Variants in MRGPRF observed in about 807,000 individuals in gnomAD.
MRGPRF encodes mas-related G protein-coupled receptor member F.
Under a neutral mutation model 3.3 loss-of-function variants are expected in MRGPRF, and 2 were observed. The ratio of observed to expected loss-of-function variants is 0.61; its 90% CI spans 0.25 to 1.92. The LOEUF (loss-of-function observed/expected upper bound fraction) is 1.92. Ranked by LOEUF, MRGPRF falls within the 40% of genes most tolerant of loss-of-function variation. MRGPRF has a pLI of 0.16. For synonymous variants in MRGPRF, 242 were observed against 222.7 expected (o/e 1.09, Z -0.77); for missense variants, 500 against 476.0 (o/e 1.05, Z -0.47).
Position 69,005,647 on chromosome 11 carries a change from G to A in MRGPRF, c.663C>T (p.Ile221=). 2 of 1,553,070 alleles carry A rather than the reference G, an allele frequency of 1.3e-6. No homozygotes were observed. Among genetic ancestry groups the A allele is most frequent in the Non-Finnish European group, 8.7e-7 (1 of 1,148,198 alleles). ...GTCGGGCCCGGCACTCCACGTGCAG[G>A]ATGAGGGCCAGGCAGGGCAGCACCA... The part of the protein sequence containing the change: ...PLMVLPCLAL[I]LHVECRARRR... Residue 221 remains isoleucine, a synonymous_variant, in exon 3 of 3, where the codon ATC becomes ATT. Coordinates refer to ENST00000309099, the MANE Select transcript of MRGPRF (RefSeq NM_145015.5).
chr11:69,006,381 G>A, intron 2 of MRGPRF, 120 bp from the exon 3 acceptor site: 2 of 1,228,256 alleles, frequency 1.6e-6, no homozygotes, highest in Non-Finnish European at 2.2e-6. Flanking sequence ...GCAGGGAGGG[G>A]GTCTGTAAGG....
In MRGPRF at chr11:69,005,942, C is replaced by T. The variant is rs1482934327; in HGVS notation, c.368G>A (p.Gly123Glu). ...DYIRSVCRVL[G>E]LCMFLTGVSL... ...CACGCCGGTAAGGAACATGCAGAGCCCCAGGACCCGGCACACGCTGCGGAT... is the reference window on the plus strand; with the variant it reads ...CACGCCGGTAAGGAACATGCAGAGCTCCAGGACCCGGCACACGCTGCGGAT... Residue 123 changes from glycine to glutamate, a missense_variant, in exon 3 of 3, where the codon GGG (glycine) becomes GAG (glutamate). Physicochemically the swap from Gly to Glu is moderately conservative, Grantham distance 98. Transcript: ENST00000309099. 3 of 1,572,944 alleles carry T rather than the reference C, an allele frequency of 1.9e-6. No homozygotes were observed. Among genetic ancestry groups the T allele is most frequent in the South Asian group, 2.3e-5 (2 of 85,940 alleles).
chr11:69,009,962 C>G lies in MRGPRF; in HGVS notation c.-56-5G>C. On this transcript the variant is annotated splice_polypyrimidine_tract_variant and splice_region_variant and intron_variant, in intron 1 of 2. Transcript: ENST00000309099. Reference sequence around the variant, plus strand: ...CTCACCAGTCTGCACACCCACCTGGCAGAAGCCCAGAGAGAGGGTGGATGA... The same window carrying G: ...CTCACCAGTCTGCACACCCACCTGGGAGAAGCCCAGAGAGAGGGTGGATGA... 1 of 1,551,366 alleles carries G rather than the reference C, an allele frequency of 6.4e-7. No individual in the cohort carries two copies. Among genetic ancestry groups the G allele is most frequent in the Non-Finnish European group, 8.7e-7 (1 of 1,150,378 alleles).
intron 2 of MRGPRF, among the ~76,000 whole-genome samples, chr11:69,008,940 C>T (rs1057125387): frequency 1.3e-5 from 2 of 152,332 alleles, no homozygotes; most frequent in African/African-American, 2.4e-5. Flanking sequence ...GTGTAGCTGC[C>T]GTGACCAGCC....
At chr11:69,006,601 A>T (rs998305384) in intron 2 of MRGPRF, among the ~76,000 whole-genome samples, 40 of 151,328 alleles carry the variant, frequency 2.6e-4, no homozygotes, top group Non-Finnish European at 1.3e-4. Context: ...GTCGCACAAA[A>T]AACTGCAGAG....
intron 2 of MRGPRF, 98 bp from the exon 3 acceptor site, chr11:69,006,359 T>C: frequency 2.3e-6 from 3 of 1,279,262 alleles, no homozygotes; most frequent in Non-Finnish European, 3.1e-6. Flanking sequence ...GGGTCCCAAT[T>C]AGGGACTTGG....
At chr11:69,010,740 C>T (rs548294324) in intron 1 of MRGPRF, among the ~76,000 whole-genome samples, 1 of 152,278 alleles carries the variant, frequency 6.6e-6, no homozygotes, top group Non-Finnish European at 1.5e-5. Context: ...GGGGAAGCTG[C>T]ACCCACCCTA....
chr11:69,006,730 T>G (rs1300916902), intron 2 of MRGPRF, among the ~76,000 whole-genome samples: 1 of 150,364 alleles, frequency 6.7e-6, no homozygotes, highest in African/African-American at 2.5e-5. Flanking sequence ...TTCAAGCGAT[T>G]CTCCTGCCTC....
rs1339092710 is a variant in MRGPRF, at chr11:69,006,022, C to G, written c.288G>C (p.Lys96Asn). The G allele has an allele frequency of 3.2e-6, 5 of 1,573,848 alleles. No homozygotes were observed. Among genetic ancestry groups the G allele is most frequent in the Non-Finnish European group, 4.3e-6 (5 of 1,159,356 alleles). ...ASADVGYLFSKAVFSILNTGG... is the reference protein window; with the variant it reads ...ASADVGYLFSNAVFSILNTGG... ...CCGTGTTCAGGATGGAGAACACCGC[C>G]TTGCTGAAGAGGTAGCCCACATCGG... The change falls in exon 3 of 3, where the codon AAG becomes AAC. Residue 96 changes from lysine (K) to asparagine (N), a missense_variant. Physicochemically the swap from Lys to Asn is moderately conservative, Grantham distance 94. Coordinates refer to ENST00000309099, the MANE Select transcript of MRGPRF (RefSeq NM_145015.5).
intron 2 of MRGPRF, among the ~76,000 whole-genome samples, chr11:69,007,913 G>T (rs1413669696): frequency 6.6e-6 from 1 of 152,186 alleles, no homozygotes; most frequent in African/African-American, 2.4e-5. Flanking sequence ...TGTTGGTGTG[G>T]CTGTAAGAGT....
intron 2 of MRGPRF, among the ~76,000 whole-genome samples, chr11:69,008,173 C>G (rs956274908): frequency 6.6e-6 from 1 of 152,120 alleles, no homozygotes; most frequent in African/African-American, 2.4e-5. Flanking sequence ...GTGGAACACC[C>G]GATCTTTAAA....
chr11:69,006,909 C>T (rs1470376686), intron 2 of MRGPRF, among the ~76,000 whole-genome samples: 1 of 152,164 alleles, frequency 6.6e-6, no homozygotes, highest in Non-Finnish European at 1.5e-5. Context: ...TGAGTCACTG[C>T]GCCTGGCTGA....
In MRGPRF at chr11:69,006,350, G is replaced by A. The variant is rs1356755962; in HGVS notation, c.49-89C>T. ...GGGGCCCAGCGTGGGGGAGGGGGGG[G>A]GTCCCAATTAGGGACTTGGGGCAGG... On this transcript the variant is annotated intron_variant, in intron 2 of 2. Coordinates refer to ENST00000309099, the MANE Select transcript of MRGPRF (RefSeq NM_145015.5). The A allele has an allele frequency of 8.0e-6, 11 of 1,372,110 alleles. No individual in the cohort carries two copies. The South Asian group carries it at 1.3e-4, about 16-fold the overall frequency. 85.0% of individuals were successfully genotyped at this position (1,372,110 alleles called of 1,614,324 possible).
chr11:69,011,065 C>G (rs1860585661), intron 1 of MRGPRF, among the ~76,000 whole-genome samples: 1 of 152,148 alleles, frequency 6.6e-6, no homozygotes, highest in South Asian at 2.1e-4. Flanking sequence ...AGCTGGGCAT[C>G]CTGCTCAGCT....
intron 2 of MRGPRF, among the ~76,000 whole-genome samples, chr11:69,008,335 C>T (rs768342359): frequency 2.9e-4 from 44 of 152,234 alleles, no homozygotes; most frequent in Non-Finnish European, 5.1e-4. Context: ...CAGCATCTCC[C>T]CTCAAAGGCT....
chr11:69,007,416 C>T (rs1199248650), intron 2 of MRGPRF, among the ~76,000 whole-genome samples: 7 of 152,152 alleles, frequency 4.6e-5, no homozygotes, highest in African/African-American at 7.2e-5. Context: ...CCATGTTGGC[C>T]GGACTGGTCT....
intron 2 of MRGPRF, chr11:69,009,475 C>T: frequency 1.7e-6 from 1 of 571,660 alleles, no homozygotes. Context: ...CACATGACAT[C>T]AGGGCCACCT....
Position 69,004,526 on chromosome 11 carries a change from G to C in MRGPRF, c.*752C>G, listed in dbSNP as rs374748445. On this transcript the variant is annotated 3_prime_UTR_variant, in exon 3 of 3. Coordinates refer to ENST00000309099, the MANE Select transcript of MRGPRF (RefSeq NM_145015.5). ...GGGCGGAGCCAGTGTCCACTTTCGG[G>C]TGGGGGCTGGAGCCAAGAGGCTGTC... The C allele has an allele frequency of 6.6e-6, 1 of 152,362 alleles. No individual in the cohort carries two copies. Among genetic ancestry groups the C allele is most frequent in the African/African-American group, 2.4e-5 (1 of 41,476 alleles). The allele number at this position is 152,362 out of a possible 1,614,324, so 9.4% of individuals were successfully genotyped here.
At position 69,005,412 on chromosome 11, in the gene MRGPRF, G is replaced by A; in HGVS notation, c.898C>T (p.Gln300Ter). 1 of 1,583,338 alleles carries A rather than the reference G, an allele frequency of 6.3e-7. No homozygotes were observed. Among genetic ancestry groups the A allele is most frequent in the East Asian group, 2.3e-5 (1 of 43,242 alleles). ...ACCCTGAGCGGCTCCCACAGCCGCT[G>A]CGACTTGTCCCTCCCGGCCAGGAAG... ...VYFLAGRDKSQRLWEPLRVVF... is the reference protein window; with the variant it reads ...VYFLAGRDKS The change falls in exon 3 of 3, where the codon CAG becomes TAG. Residue 300 changes from glutamine to a stop codon, truncating the protein, a stop_gained. Transcript: ENST00000309099. LOFTEE classifies it high-confidence loss of function.
Sources: allele counts gnomAD v4.1 joint callset (sites outside exome capture counted in the v4.1 genomes callset), GRCh38; gene constraint gnomAD v4.1.1; transcripts MANE v1.5; gene names NCBI Gene and HGNC (gene_info 2026-07-23, HGNC 2026-07-21).